The following IRS1 variants were observed in gnomAD, a reference collection of about 807,000 sequenced individuals.
IRS1 encodes the protein insulin receptor substrate 1.
In IRS1, 34 loss-of-function variants were observed where a neutral mutation model predicts 65.6. The ratio of observed to expected loss-of-function variants is 0.52; its 90% CI spans 0.39 to 0.69. The LOEUF is 0.69. IRS1 is among the 30% of genes least tolerant of loss of function. The pLI is 0.00. For missense variants in IRS1, 1,641 were observed against 1,720.2 expected (o/e 0.95, Z 0.81); for synonymous variants, 699 against 683.5 (o/e 1.02, Z -0.35).
chr2:226,792,514 G>T (rs186627105), intron 1 of IRS1: 1 of 152,446 alleles, frequency 6.6e-6, no homozygotes, highest in East Asian at 1.9e-4. Flanking sequence ...AAGAGAAAGG[G>T]CAGGCAGAAA....
rs775894706 is a variant in IRS1 at position 226,798,277 on chromosome 2, C to T, written c.462G>A (p.Val154=). ...EAGEDLSYGD[V]PPGPAFKEVW... ...CCTCTTTGAATGCGGGTCCTGGGGG[C>T]ACGTCACCGTAGCTCAAGTCCTCCC... Residue 154 remains valine, a synonymous_variant, in exon 1 of 2, where the codon GTG becomes GTA. Coordinates refer to ENST00000305123, the MANE Select transcript of IRS1 (RefSeq NM_005544.3). The surrounding 1 kb of genome is among the most constrained non-coding windows in gnomAD (Gnocchi z 9.4). 1 of 1,613,068 alleles carries T rather than the reference C, an allele frequency of 6.2e-7. No individual in the cohort carries two copies. The highest frequency in any genetic ancestry group is 2.2e-5 in the East Asian group (1 of 44,870).
intron 1 of IRS1, among the ~76,000 whole-genome samples, chr2:226,787,612 A>G (rs1432784133): frequency 6.6e-6 from 1 of 152,226 alleles, no homozygotes; most frequent in South Asian, 2.1e-4. Context: ...GAGGGGAAGA[A>G]CAAGAAAAAA....
At chr2:226,770,134 G>A (rs1045458610) in intron 1 of IRS1, among the ~76,000 whole-genome samples, 1 of 152,208 alleles carries the variant, frequency 6.6e-6, no homozygotes, top group East Asian at 1.9e-4. Context: ...GTATTTTCAA[G>A]CAGGGCTAAT....
At chr2:226,753,216 A>G (rs934342139) in intron 1 of IRS1, among the ~76,000 whole-genome samples, 1 of 152,220 alleles carries the variant, frequency 6.6e-6, no homozygotes, top group Non-Finnish European at 1.5e-5. Context: ...ATGAGATATG[A>G]CAGGCCTTCA....
rs557636520 is a variant in IRS1, at chr2:226,795,265, T to C, written c.3474A>G (p.Gly1158=). The C allele has an allele frequency of 8.1e-6, 13 of 1,613,494 alleles. No individual in the cohort carries two copies. The East Asian group carries it at 1.3e-4, about 17-fold the overall frequency. ...ACAGTTTGGCTGGCTCCTTGGGGGC[T>C]CCCCCAAGCTCCCCAGGCCTCAGCC... ...NVWLRPGELG[G]APKEPAKLCG... Residue 1158 remains glycine (G), a synonymous_variant, in exon 1 of 2, where the codon GGA becomes GGG. Transcript: ENST00000305123.
At position 226,794,169 on chromosome 2, in the gene IRS1, A is replaced by G. The variant is rs1274272836; in HGVS notation, c.*21+820T>C. Reference sequence around the variant, plus strand: ...CTGTAATGTCTCAGTGCAAGAAGAGATAACTATAAGGCAGACATCCTAGGA... The same window carrying G: ...CTGTAATGTCTCAGTGCAAGAAGAGGTAACTATAAGGCAGACATCCTAGGA... On this transcript the variant is annotated intron_variant, in intron 1 of 1. Transcript: ENST00000305123. The surrounding 1 kb of genome is among the most constrained non-coding windows in gnomAD (Gnocchi z 4.1). Among the ~76,000 whole-genome samples the G allele has an allele frequency of 6.6e-6, 1 of 152,216 alleles. No homozygotes were observed. The highest frequency in any genetic ancestry group is 2.4e-5 in the African/African-American group (1 of 41,448).
At chr2:226,747,600 A>G (rs1938573805) in intron 1 of IRS1, among the ~76,000 whole-genome samples, 1 of 152,170 alleles carries the variant, frequency 6.6e-6, no homozygotes, top group Non-Finnish European at 1.5e-5. Context: ...GCCCAAACTA[A>G]GACAGAGACT....
At position 226,794,159 on chromosome 2, in the gene IRS1, G is replaced by A. The variant is rs1286995922; in HGVS notation, c.*21+830C>T. ...CAAATGATATCTGTAATGTCTCAGT[G>A]CAAGAAGAGATAACTATAAGGCAGA... On this transcript the variant is annotated intron_variant, in intron 1 of 1. Coordinates refer to ENST00000305123, the MANE Select transcript of IRS1 (RefSeq NM_005544.3). The surrounding 1 kb of genome is among the most constrained non-coding windows in gnomAD (Gnocchi z 4.1). 6.6e-6 allele frequency among the ~76,000 whole-genome samples: 1 copy of A among 152,160 alleles called. No homozygotes were observed. Among genetic ancestry groups the A allele is most frequent in the African/African-American group, 2.4e-5 (1 of 41,436 alleles).
At position 226,799,332 on chromosome 2, in the gene IRS1, G is replaced by A. The variant is rs2106188922; in HGVS notation, c.-594C>T. The stretch of plus-strand genomic sequence containing the variant: ...CACCAGCCGCCCAAATACCAGCTCA[G>A]TCGCAGAGACCGCGGCGCTGCGGCT... On this transcript the variant is annotated 5_prime_UTR_variant, in exon 1 of 2. Transcript: ENST00000305123. This position sits in a 1 kb window ranked among gnomAD's most constrained non-coding sequence, Gnocchi z 6.1. 1 of 1,240,116 alleles carries A rather than the reference G, an allele frequency of 8.1e-7. No homozygotes were observed. The highest frequency in any genetic ancestry group is 1.0e-6 in the Non-Finnish European group (1 of 960,094). 76.8% of individuals were successfully genotyped at this position (1,240,116 alleles called of 1,614,324 possible). A position where few individuals can be genotyped will look rare whatever the true frequency, so the allele number is the denominator to read the frequency against.
At chr2:226,756,408 C>G (rs909245872) in intron 1 of IRS1, among the ~76,000 whole-genome samples, 3 of 152,156 alleles carry the variant, frequency 2.0e-5, no homozygotes, top group Non-Finnish European at 2.9e-5. Context: ...CACTACAAGT[C>G]AAAGTCTTGA....
intron 1 of IRS1, among the ~76,000 whole-genome samples, chr2:226,738,555 C>A (rs895712449): frequency 6.6e-6 from 1 of 152,116 alleles, no homozygotes; most frequent in African/African-American, 2.4e-5. Context: ...GGAAGCATTC[C>A]AAGTTTGCCC....
In IRS1 at chr2:226,797,995, G is replaced by A; in HGVS notation, c.744C>T (p.Asn248=). The change falls in exon 1 of 2, where the codon AAC becomes AAT. Residue 248 remains asparagine (N), a synonymous_variant. Transcript: ENST00000305123. This position sits in a 1 kb window ranked among gnomAD's most constrained non-coding sequence, Gnocchi z 8.1. ...TGGCCTCCAGGATGGTCTCGTGCATGTTCTGGGCCACCACAGAGTCATCCA... is the reference window on the plus strand; with the variant it reads ...TGGCCTCCAGGATGGTCTCGTGCATATTCTGGGCCACCACAGAGTCATCCA... The part of the protein sequence containing the change: ...MQVDDSVVAQ[N]MHETILEAMR... The A allele has an allele frequency of 1.2e-6, 2 of 1,614,106 alleles. No homozygotes were observed. The highest frequency in any genetic ancestry group is 1.7e-6 in the Non-Finnish European group (2 of 1,180,024).
At chr2:226,752,106 T>G (rs1036064402) in intron 1 of IRS1, among the ~76,000 whole-genome samples, 7 of 152,190 alleles carry the variant, frequency 4.6e-5, no homozygotes, top group African/African-American at 1.7e-4. Context: ...TATTAATTTA[T>G]CCTCAGAATC....
intron 1 of IRS1, among the ~76,000 whole-genome samples, chr2:226,789,275 T>C (rs1034071298): frequency 2.0e-5 from 3 of 152,222 alleles, no homozygotes; most frequent in African/African-American, 4.8e-5. Context: ...ACTATTTTAA[T>C]GACTTGTGAA....
rs1939681594 is a variant in IRS1, at chr2:226,795,076, G to T, written c.3663C>A (p.Arg1221=). The T allele has an allele frequency of 1.2e-6, 2 of 1,611,840 alleles. No homozygotes were observed. The highest frequency in any genetic ancestry group is 1.7e-6 in the Non-Finnish European group (2 of 1,179,626). The change falls in exon 1 of 2, where the codon CGC becomes CGA. Residue 1221 remains arginine, a synonymous_variant. Transcript: ENST00000305123. ...CATAGGCGCTTAAATCCTCACTTGA[G>T]CGGCGGGTGGAGCTGCTCTCACCGC... ...LGSGESSSTR[R]SSEDLSAYAS...
In IRS1 at chr2:226,798,758, A is replaced by G; in HGVS notation, c.-20T>C. 6.2e-7 allele frequency: 1 copy of G among 1,603,158 alleles called. No homozygotes were observed. Among genetic ancestry groups the G allele is most frequent in the Non-Finnish European group, 8.5e-7 (1 of 1,175,606 alleles). On this transcript the variant is annotated 5_prime_UTR_variant, in exon 1 of 2. Coordinates refer to ENST00000305123, the MANE Select transcript of IRS1 (RefSeq NM_005544.3). This position sits in a 1 kb window ranked among gnomAD's most constrained non-coding sequence, Gnocchi z 9.4. ...CGCCATGCTGCCACCGCCACCACCA[A>G]CGCTGAGCAGAGGGAGGCTCCGAAA...
chr2:226,797,434 G>C lies in IRS1; in HGVS notation c.1305C>G (p.Pro435=). Residue 435 remains proline, a synonymous_variant, in exon 1 of 2, where the codon CCC becomes CCG. Coordinates refer to ENST00000305123, the MANE Select transcript of IRS1 (RefSeq NM_005544.3). This position sits in a 1 kb window ranked among gnomAD's most constrained non-coding sequence, Gnocchi z 8.1. The stretch of plus-strand genomic sequence containing the variant: ...TGCGGAAGGAACTCCGGAAATCGCA[G>C]GGACTGGAGCCATACTCATCCGAGG... ...FISSDEYGSS[P]CDFRSSFRSV... is the part of the protein sequence containing the mutation. The C allele has an allele frequency of 6.2e-7, 1 of 1,613,216 alleles. No homozygotes were observed. Among genetic ancestry groups the C allele is most frequent in the Non-Finnish European group, 8.5e-7 (1 of 1,179,762 alleles).
Position 226,795,539 on chromosome 2 carries a change from C to T in IRS1, c.3200G>A (p.Gly1067Glu). Reference protein sequence around the residue: ...SSLLGGPQGPGGMSAFTRVNL... With the variant: ...SSLLGGPQGPEGMSAFTRVNL... ...CACCCGGGTGAAGGCGCTCATGCCC[C>T]CAGGTCCTTGTGGGCCCCCCAGCAG... The change falls in exon 1 of 2, where the codon GGG becomes GAG. Residue 1067 changes from glycine to glutamate, a missense_variant. This residue lies in a region of IRS1 where 1,324 missense variants were observed against 1,361.0 expected (regional missense o/e 0.97). Transcript: ENST00000305123. 1 of 1,613,278 alleles carries T rather than the reference C, an allele frequency of 6.2e-7. No homozygotes were observed. Among genetic ancestry groups the T allele is most frequent in the Non-Finnish European group, 8.5e-7 (1 of 1,180,024 alleles).
chr2:226,789,501 T>C (rs1163595536), intron 1 of IRS1, among the ~76,000 whole-genome samples: 4 of 152,226 alleles, frequency 2.6e-5, no homozygotes, highest in Admixed American at 6.5e-5. Context: ...GAAAAAATTG[T>C]GGAAGGCCTC....
Sources: allele counts gnomAD v4.1 joint callset (sites outside exome capture counted in the v4.1 genomes callset), GRCh38; gene constraint gnomAD v4.1.1; regional missense constraint gnomAD v4.1.1; non-coding constraint Gnocchi (gnomAD v3.1); transcripts MANE v1.5; gene names NCBI Gene and HGNC (gene_info 2026-07-23, HGNC 2026-07-21).